Variants in ARHGAP15 observed in about 807,000 individuals in gnomAD.
ARHGAP15 encodes rho GTPase-activating protein 15.
In ARHGAP15, 51 loss-of-function variants were observed where a neutral mutation model predicts 63.7. That is an observed-to-expected ratio of 0.80 (90% CI 0.64 to 1.01). The LOEUF (loss-of-function observed/expected upper bound fraction) is 1.01, where lower values mean the gene tolerates loss of function less well. Among genes scored for constraint, ARHGAP15 ranks in the 50% least tolerant of loss-of-function variants. ARHGAP15 has a pLI of 0.00. For missense variants in ARHGAP15, 560 were observed against 564.6 expected, an observed-to-expected ratio of 0.99 and a Z score of 0.08; for synonymous variants, 191 against 193.8, an observed-to-expected ratio of 0.99 and a Z score of 0.12.
chr2:143,576,819 A>G (rs964662399), intron 11 of ARHGAP15, among the ~76,000 whole-genome samples: 2 of 152,126 alleles, frequency 1.3e-5, no homozygotes, highest in Non-Finnish European at 2.9e-5. Context: ...GTATGACTAA[A>G]CTATTTTGGT....
intron 5 of ARHGAP15, among the ~76,000 whole-genome samples, chr2:143,239,344 T>C (rs1297856270): frequency 6.6e-6 from 1 of 152,150 alleles, no homozygotes; most frequent in Non-Finnish European, 1.5e-5. Flanking sequence ...TTTAAGTATA[T>C]AGGATGTTAT....
intron 12 of ARHGAP15, among the ~76,000 whole-genome samples, chr2:143,663,404 T>C (rs1248211401): frequency 1.4e-5 from 2 of 147,352 alleles, no homozygotes; most frequent in African/African-American, 2.5e-5. Context: ...CTAAAAGAGC[T>C]CCTGAAGGAA....
At chr2:143,437,153 T>C (rs1325465070) in intron 8 of ARHGAP15, 111 bp downstream of exon 8, 18 of 1,248,360 alleles carry the variant, frequency 1.4e-5, no homozygotes, top group Middle Eastern at 2.9e-4. Flanking sequence ...TCATGGAAGA[T>C]TCGTAGCCAT....
intron 12 of ARHGAP15, among the ~76,000 whole-genome samples, chr2:143,674,700 A>G (rs1050355771): frequency 4.6e-5 from 7 of 152,214 alleles, no homozygotes; most frequent in African/African-American, 1.7e-4. Context: ...CGTTTATACT[A>G]TACTGTAGTC....
chr2:143,223,693 G>A (rs1156931634), intron 4 of ARHGAP15, among the ~76,000 whole-genome samples: 1 of 152,126 alleles, frequency 6.6e-6, no homozygotes, highest in African/African-American at 2.4e-5. Context: ...GTACTTCCCT[G>A]ACAAGTGTTC....
At chr2:143,599,091 T>A (rs1385573905) in intron 11 of ARHGAP15, among the ~76,000 whole-genome samples, 1 of 152,062 alleles carries the variant, frequency 6.6e-6, no homozygotes, top group Non-Finnish European at 1.5e-5. Context: ...GTTGAGAGTC[T>A]TAAATAGAGG....
intron 6 of ARHGAP15, among the ~76,000 whole-genome samples, chr2:143,393,470 A>G (rs1687622565): frequency 6.6e-6 from 1 of 152,144 alleles, no homozygotes; most frequent in Non-Finnish European, 1.5e-5. Context: ...ACGGTGGCTC[A>G]TGCCTGTAAT....
At chr2:143,418,919 TG>T (rs1235659083) in intron 6 of ARHGAP15, among the ~76,000 whole-genome samples, 1 of 152,178 alleles carries the variant, frequency 6.6e-6, no homozygotes, top group Admixed American at 6.6e-5. Flanking sequence ...TTTGGGCTAA[TG>T]GTGGGACTCA....
chr2:143,450,954 G>T (rs35942385), intron 8 of ARHGAP15, among the ~76,000 whole-genome samples: 40,119 of 151,676 alleles, frequency 0.26, 6,413 homozygotes, highest in Non-Finnish European at 0.36. Flanking sequence ...CATAAATCTT[G>T]CTCAAGAGCT....
intron 12 of ARHGAP15, among the ~76,000 whole-genome samples, chr2:143,658,336 G>A (rs6750487): frequency 0.13 from 19,613 of 152,144 alleles, 1,340 homozygotes; most frequent in East Asian, 0.2. Flanking sequence ...GTAGAACTTC[G>A]GGTGTATTTG....
rs950410503 is a variant in ARHGAP15 at position 143,544,786 on chromosome 2, C to T, written c.926-11622C>T. Among the ~76,000 whole-genome samples, 14 of 152,164 alleles carry T rather than the reference C, an allele frequency of 9.2e-5. 1 individual carries two copies. Among genetic ancestry groups the T allele is most frequent in the African/African-American group, 2.9e-4 (12 of 41,434 alleles). On this transcript the variant is annotated intron_variant, in intron 10 of 13. Coordinates refer to ENST00000295095, the MANE Select transcript of ARHGAP15 (RefSeq NM_018460.4). ...GAATTGATCTGTTCTTCCATTTAATCACAGTTTAACACAGGTCCATCTGCC... is the reference window on the plus strand; with the variant it reads ...GAATTGATCTGTTCTTCCATTTAATTACAGTTTAACACAGGTCCATCTGCC...
chr2:143,355,706 T>C (rs2105324329), intron 6 of ARHGAP15, among the ~76,000 whole-genome samples: 1 of 152,262 alleles, frequency 6.6e-6, no homozygotes, highest in Middle Eastern at 3.4e-3. Flanking sequence ...TTTTGAAATA[T>C]GGAATGAGTT....
intron 6 of ARHGAP15, among the ~76,000 whole-genome samples, chr2:143,337,130 G>A (rs982252441): frequency 6.6e-6 from 1 of 152,060 alleles, no homozygotes; most frequent in Non-Finnish European, 1.5e-5. Context: ...TTGGATAGGT[G>A]GGGAGGTAAG....
intron 6 of ARHGAP15, among the ~76,000 whole-genome samples, chr2:143,298,401 T>A (rs189113348): frequency 6.6e-6 from 1 of 152,132 alleles, no homozygotes; most frequent in Non-Finnish European, 1.5e-5. Context: ...TTTTACCTTA[T>A]CATTATAACA....
At chr2:143,211,073 G>T (rs1461150555) in intron 3 of ARHGAP15, among the ~76,000 whole-genome samples, 1 of 152,094 alleles carries the variant, frequency 6.6e-6, no homozygotes, top group Admixed American at 6.6e-5. Flanking sequence ...ATAAGCTGGA[G>T]TTTTAAGGTA....
chr2:143,523,355 A>G lies in ARHGAP15; in HGVS notation c.925+3991A>G, dbSNP rs542322236. 4.6e-5 allele frequency among the ~76,000 whole-genome samples: 7 copies of G among 152,290 alleles called. No individual in the cohort carries two copies. In the South Asian group the frequency reaches 1.4e-3, roughly 32 times the overall value. On this transcript the variant is annotated intron_variant, in intron 10 of 13. Transcript: ENST00000295095. ...AGCAGGGAAATACGTGTGTTTAAAA[A>G]TGATGTAATAAACCTTGAACGATAA...
chr2:143,642,690 A>G lies in ARHGAP15; in HGVS notation c.1138+18423A>G, dbSNP rs1680663829. 2.0e-5 allele frequency among the ~76,000 whole-genome samples: 3 copies of G among 152,248 alleles called. No homozygotes were observed. In the South Asian group the frequency reaches 6.2e-4, roughly 32 times the overall value. ...TGAGCACATGTGATCTAGCAGCACA[A>G]TGAATGATGAAGACAATAAATGTTC... On this transcript the variant is annotated intron_variant, in intron 12 of 13. Coordinates refer to ENST00000295095, the MANE Select transcript of ARHGAP15 (RefSeq NM_018460.4).
chr2:143,349,236 C>T (rs573345016), intron 6 of ARHGAP15, among the ~76,000 whole-genome samples: 2 of 152,202 alleles, frequency 1.3e-5, no homozygotes, highest in African/African-American at 2.4e-5. Context: ...AAATTTAGAT[C>T]GATTTGAGTG....
chr2:143,577,730 T>G (rs183059718), intron 11 of ARHGAP15, among the ~76,000 whole-genome samples: 1 of 152,234 alleles, frequency 6.6e-6, no homozygotes, highest in Non-Finnish European at 1.5e-5. Flanking sequence ...TCACTCACTG[T>G]GGCTAAGGAA....
Sources: allele counts gnomAD v4.1 joint callset (sites outside exome capture counted in the v4.1 genomes callset), GRCh38; gene constraint gnomAD v4.1.1; transcripts MANE v1.5; gene names NCBI Gene and HGNC (gene_info 2026-07-23, HGNC 2026-07-21).